Variants in DOCK4 observed in about 807,000 individuals in gnomAD.
The protein encoded by DOCK4 is dedicator of cytokinesis protein 4.
DOCK4 carries 97 observed loss-of-function variants against 268.1 expected under a neutral mutation model. The ratio of observed to expected loss-of-function variants is 0.36; its 90% CI spans 0.31 to 0.43. DOCK4 has a LOEUF of 0.43. Ranked by LOEUF, DOCK4 falls within the 20% of genes least tolerant of loss-of-function variation. The probability of loss-of-function intolerance (pLI) is 1.00; values close to 1 mark genes in which losing one functional copy is unlikely to be tolerated. For synonymous variants in DOCK4, 954 were observed against 887.2 expected (o/e 1.08, Z -1.34); for missense variants, 2,145 against 2,455.7 (o/e 0.87, Z 2.67).
intron 13 of DOCK4, among the ~76,000 whole-genome samples, chr7:111,907,199 A>G (rs150180443): frequency 1.1e-3 from 164 of 152,144 alleles, no homozygotes; most frequent in Admixed American, 3.6e-3. Context: ...GGTTTTCTCT[A>G]TTTTCTATCT....
chr7:111,728,370 A>T lies in DOCK4; in HGVS notation c.5832T>A (p.Pro1944=). The change falls in exon 53 of 53, where the codon CCT becomes CCA. Residue 1944 remains proline (P), a synonymous_variant. Transcript: ENST00000428084. ...CCAGGTGGCTGGATCGCGCTGCCAG[A>T]GGCTTGGGGGGCAGCGCGGGCGGCT... ...TSEPPALPPK[P]LAARSSHLEN... 1 of 1,528,124 alleles carries T rather than the reference A, an allele frequency of 6.5e-7. No individual in the cohort carries two copies. The highest frequency in any genetic ancestry group is 2.3e-5 in the East Asian group (1 of 44,138). The allele number at this position is 1,528,124 out of a possible 1,614,324, so 94.7% of individuals were successfully genotyped here. A position where few individuals can be genotyped will look rare whatever the true frequency, so the allele number is the denominator to read the frequency against.
chr7:111,840,586 A>G (rs942053638), intron 25 of DOCK4, among the ~76,000 whole-genome samples: 1 of 152,190 alleles, frequency 6.6e-6, no homozygotes, highest in Non-Finnish European at 1.5e-5. Flanking sequence ...GTCGGTGGAA[A>G]AACAAAAAGT....
chr7:111,913,867 G>T (rs775557547), intron 13 of DOCK4, among the ~76,000 whole-genome samples: 5 of 152,054 alleles, frequency 3.3e-5, no homozygotes, highest in Non-Finnish European at 7.4e-5. Flanking sequence ...GGACAACAGA[G>T]TGAGACCCCA....
chr7:111,985,577 C>T lies in DOCK4; in HGVS notation c.465-1187G>A, dbSNP rs113048079. Among the ~76,000 whole-genome samples the T allele has an allele frequency of 8.9e-4, 135 of 152,278 alleles. 2 individuals carry two copies. The highest frequency in any genetic ancestry group is 3.1e-3 in the African/African-American group (128 of 41,548). On this transcript the variant is annotated intron_variant, in intron 6 of 52. Coordinates refer to ENST00000428084, the MANE Select transcript of DOCK4 (RefSeq NM_001363540.2). ...CACCTACTTCAAGCCAGGCACTGCCCCAGCCACCCTGAGGGCTATTTGTTC... is the reference window on the plus strand; with the variant it reads ...CACCTACTTCAAGCCAGGCACTGCCTCAGCCACCCTGAGGGCTATTTGTTC...
intron 30 of DOCK4, among the ~76,000 whole-genome samples, chr7:111,791,097 T>TAA (rs1457451466): frequency 1.2e-4 from 17 of 141,348 alleles, no homozygotes; most frequent in Non-Finnish European, 2.0e-4. Context: ...TATATATATA[T>TAA]ATAAAATAAA....
At chr7:111,829,459 G>A (rs945696216) in intron 26 of DOCK4, among the ~76,000 whole-genome samples, 7 of 152,126 alleles carry the variant, frequency 4.6e-5, no homozygotes, top group African/African-American at 1.7e-4. Context: ...CACCACAACT[G>A]GCTCATGGCT....
chr7:112,042,720 G>C (rs1586704926), intron 1 of DOCK4, among the ~76,000 whole-genome samples: 1 of 152,116 alleles, frequency 6.6e-6, no homozygotes. Context: ...TTAGCATGTC[G>C]GGCAGTGCTA....
At chr7:111,810,985 G>A (rs369190950) in intron 28 of DOCK4, among the ~76,000 whole-genome samples, 3 of 152,098 alleles carry the variant, frequency 2.0e-5, no homozygotes, top group Non-Finnish European at 2.9e-5. Context: ...CTGGGCAACA[G>A]AGCAGGACTC....
At chr7:112,123,968 G>T (rs1178527501) in intron 1 of DOCK4, among the ~76,000 whole-genome samples, 2 of 151,968 alleles carry the variant, frequency 1.3e-5, no homozygotes, top group Non-Finnish European at 2.9e-5. Flanking sequence ...TTAATCAGAA[G>T]TTCAGAAGTG....
chr7:112,082,413 G>T (rs1808676132), intron 1 of DOCK4, among the ~76,000 whole-genome samples: 1 of 152,132 alleles, frequency 6.6e-6, no homozygotes, highest in Admixed American at 6.5e-5. Flanking sequence ...AGGAAGAATG[G>T]CTAGAAATAG....
chr7:111,851,064 A>C (rs1323674594), intron 23 of DOCK4, among the ~76,000 whole-genome samples: 1 of 152,226 alleles, frequency 6.6e-6, no homozygotes, highest in Non-Finnish European at 1.5e-5. Flanking sequence ...AAACAAAAAC[A>C]AAAACCCTCT....
chr7:111,729,627 A>AAAAACCCCAAAAACCTAAAAACGCCAT, intron 52 of DOCK4, among the ~76,000 whole-genome samples: 1 of 152,168 alleles, frequency 6.6e-6, no homozygotes, highest in African/African-American at 2.4e-5. Context: ...GGAACTGGCC[A>AAAAACCCCAAAAACCTAAAAACGCCAT]AAAACCCCAA....
intron 1 of DOCK4, among the ~76,000 whole-genome samples, chr7:112,089,323 A>G (rs1025437186): frequency 1.3e-5 from 2 of 152,114 alleles, no homozygotes; most frequent in Non-Finnish European, 2.9e-5. Flanking sequence ...ATCAATACAA[A>G]AAACTTTACC....
intron 7 of DOCK4, among the ~76,000 whole-genome samples, chr7:111,983,601 G>A (rs1292687096): frequency 6.6e-6 from 1 of 152,066 alleles, no homozygotes; most frequent in East Asian, 1.9e-4. Flanking sequence ...CAGACTTGGG[G>A]AACCTGGATG....
At chr7:111,854,137 T>C (rs974668073) in intron 23 of DOCK4, among the ~76,000 whole-genome samples, 6 of 152,234 alleles carry the variant, frequency 3.9e-5, no homozygotes, top group East Asian at 1.9e-4. Flanking sequence ...ACCCCTCATA[T>C]TGTCTTATGC....
At chr7:112,167,544 G>A (rs373206996) in intron 1 of DOCK4, among the ~76,000 whole-genome samples, 47 of 152,274 alleles carry the variant, frequency 3.1e-4, no homozygotes, top group African/African-American at 1.1e-3. Context: ...ACTTTAAAAT[G>A]CTCATGGCAA....
intron 50 of DOCK4, 76 bp from the exon 51 acceptor site, chr7:111,735,243 C>A: frequency 2.1e-6 from 2 of 940,158 alleles, no homozygotes; most frequent in Non-Finnish European, 1.6e-6. Flanking sequence ...AGAAGAAAGT[C>A]AGAATTATCC....
At chr7:111,745,296 C>T (rs1367674150) in intron 44 of DOCK4, among the ~76,000 whole-genome samples, 1 of 152,114 alleles carries the variant, frequency 6.6e-6, no homozygotes, top group East Asian at 1.9e-4. Flanking sequence ...TACTGATTGC[C>T]CACTTCCTTA....
intron 1 of DOCK4, among the ~76,000 whole-genome samples, chr7:112,108,115 T>A (rs1303300646): frequency 2.0e-5 from 3 of 152,228 alleles, no homozygotes; most frequent in Admixed American, 6.5e-5. Context: ...TTAAACTTAT[T>A]ATAAGAGCCT....
Sources: gnomAD v4.1 joint callset for allele counts (sites outside exome capture counted in the v4.1 genomes callset) on GRCh38, gnomAD v4.1.1 for gene constraint, MANE v1.5 for transcripts, NCBI Gene and HGNC (gene_info 2026-07-23, HGNC 2026-07-21) for gene names.